Variants in COL28A1 observed in about 807,000 individuals in gnomAD.
COL28A1 encodes collagen alpha-1(XXVIII) chain.
Under a neutral mutation model 150.2 loss-of-function variants are expected in COL28A1, and 161 were observed. The ratio of observed to expected loss-of-function variants is 1.07; its 90% CI spans 0.94 to 1.22. COL28A1 has a LOEUF of 1.22. Among genes scored for constraint, COL28A1 ranks in the 50% most tolerant of loss-of-function variants. COL28A1 has a pLI of 0.00. For missense variants in COL28A1, 1,617 were observed against 1,388.3 expected, an observed-to-expected ratio of 1.16 and a Z score of -2.62; for synonymous variants, 552 against 469.7, an observed-to-expected ratio of 1.18 and a Z score of -2.26.
intron 30 of COL28A1, among the ~76,000 whole-genome samples, chr7:7,379,666 T>A (rs1328178718): frequency 3.3e-5 from 5 of 152,136 alleles, no homozygotes; most frequent in African/African-American, 1.2e-4. Context: ...AATGAATGAA[T>A]GAATAAATGA....
chr7:7,339,762 T>C, the COL28A1 span, among the ~76,000 whole-genome samples: 5 of 152,128 alleles, frequency 3.3e-5, no homozygotes, highest in African/African-American at 1.2e-4. Flanking sequence ...GACTACTTCA[T>C]AGGTGGTTAA....
the COL28A1 span, among the ~76,000 whole-genome samples, chr7:7,339,645 C>A: frequency 1.3e-5 from 2 of 152,052 alleles, no homozygotes; most frequent in African/African-American, 4.8e-5. Context: ...CATTCATTTT[C>A]TTGCATAAAA....
chr7:7,370,321 A>G (rs1781155493), intron 33 of COL28A1, among the ~76,000 whole-genome samples: 1 of 152,132 alleles, frequency 6.6e-6, no homozygotes, highest in South Asian at 2.1e-4. Flanking sequence ...AAAAGACATG[A>G]GAGGGTACAA....
chr7:7,380,781 C>A lies in COL28A1; in HGVS notation c.2286+1G>T, dbSNP rs1329435703. 1 of 1,613,588 alleles carries A rather than the reference C, an allele frequency of 6.2e-7. No homozygotes were observed. The highest frequency in any genetic ancestry group is 1.7e-5 in the Admixed American group (1 of 59,994). Reference sequence around the variant, plus strand: ...ACAGTGAGACATTAAAAACTACTTGCCTGTTTTCCTGGAGATCCAGGCTCT... The same window carrying A: ...ACAGTGAGACATTAAAAACTACTTGACTGTTTTCCTGGAGATCCAGGCTCT... On this transcript the variant is annotated splice_donor_variant, in intron 29 of 34. Transcript: ENST00000399429. LOFTEE classifies it high-confidence loss of function.
chr7:7,432,804 C>A, intron 23 of COL28A1, 104 bp from the exon 24 acceptor site: 1 of 839,220 alleles, frequency 1.2e-6, no homozygotes, highest in African/African-American at 1.7e-5. Context: ...CGATTTCTAA[C>A]CCGGGAGTTA....
chr7:7,458,629 T>C (rs1224287218), intron 15 of COL28A1, among the ~76,000 whole-genome samples: 1 of 152,216 alleles, frequency 6.6e-6, no homozygotes, highest in East Asian at 1.9e-4. Flanking sequence ...GGCTCAGAGC[T>C]GGACTATTTT....
chr7:7,365,720 G>T (rs1026568172), intron 33 of COL28A1, among the ~76,000 whole-genome samples: 1 of 152,174 alleles, frequency 6.6e-6, no homozygotes, highest in Non-Finnish European at 1.5e-5. Flanking sequence ...ATTAGTGTTT[G>T]TGTTAAGACT....
intron 3 of COL28A1, among the ~76,000 whole-genome samples, chr7:7,527,776 T>C (rs1376493958): frequency 1.3e-5 from 2 of 152,180 alleles, no homozygotes; most frequent in East Asian, 1.9e-4. Flanking sequence ...ACCAGAATGC[T>C]AGAATGGAAT....
Position 7,360,171 on chromosome 7 carries a change from A to C in COL28A1, c.3205+219T>G, listed in dbSNP as rs146419266. Among the ~76,000 whole-genome samples the C allele has an allele frequency of 5.6e-4, 85 of 152,312 alleles. 2 individuals are homozygous for C. In the East Asian group the frequency reaches 5.6e-3, roughly 10 times the overall value. ...AGAACTTTGAAATTCTTCATAGACC[A>C]AATTTACTCCACAGTTTTCAAATTC... is the stretch of plus-strand genomic sequence containing the variant. On this transcript the variant is annotated intron_variant, in intron 34 of 34. Transcript: ENST00000399429.
chr7:7,465,129 C>T (rs1038722802), intron 15 of COL28A1, among the ~76,000 whole-genome samples: 12 of 150,954 alleles, frequency 7.9e-5, no homozygotes, highest in Non-Finnish European at 1.0e-4. Context: ...GGAACAGCTC[C>T]GGTCTACAGC....
At chr7:7,388,768 T>A (rs982585234) in intron 27 of COL28A1, among the ~76,000 whole-genome samples, 2 of 152,180 alleles carry the variant, frequency 1.3e-5, no homozygotes, top group Non-Finnish European at 2.9e-5. Flanking sequence ...GATGATGAGC[T>A]TTTTTTCACG....
chr7:7,444,906 T>A (rs565264337), intron 18 of COL28A1, among the ~76,000 whole-genome samples: 51 of 151,872 alleles, frequency 3.4e-4, no homozygotes, highest in African/African-American at 1.2e-3. Flanking sequence ...TGGTAGGAGG[T>A]GATTGAGTTA....
Position 7,473,909 on chromosome 7 carries a change from T to C in COL28A1, c.1302+692A>G, listed in dbSNP as rs140734634. ...TGTGTTTGTTTACATATATAGTGTG[T>C]GTGTTTGTTTATATATATGATGGAA... is the stretch of plus-strand genomic sequence containing the variant. On this transcript the variant is annotated intron_variant, in intron 15 of 34. Transcript: ENST00000399429. Among the ~76,000 whole-genome samples the C allele has an allele frequency of 4.4e-3, 665 of 150,324 alleles. 4 individuals carry two copies. The highest frequency in any genetic ancestry group is 0.021 in the East Asian group (107 of 5,122).
At chr7:7,522,162 T>C (rs1583563970) in intron 4 of COL28A1, 2 of 617,492 alleles carry the variant, frequency 3.2e-6, no homozygotes, top group Middle Eastern at 4.3e-4. Context: ...TTGCTCTCTC[T>C]ATTAAATTAT....
chr7:7,443,041 A>G (rs1776967154), intron 20 of COL28A1, among the ~76,000 whole-genome samples: 1 of 152,066 alleles, frequency 6.6e-6, no homozygotes, highest in African/African-American at 2.4e-5. Context: ...TCTCAAAAAA[A>G]AAAAAAAAAT....
chr7:7,341,183 T>G, the COL28A1 span, among the ~76,000 whole-genome samples: 3 of 152,172 alleles, frequency 2.0e-5, no homozygotes, highest in African/African-American at 7.2e-5. Context: ...GTGTATGATG[T>G]AGAAGGAGGA....
intron 25 of COL28A1, among the ~76,000 whole-genome samples, chr7:7,423,211 GA>G (rs1334555475): frequency 6.6e-6 from 1 of 152,218 alleles, no homozygotes; most frequent in Non-Finnish European, 1.5e-5. Flanking sequence ...ATAATGTGGT[GA>G]GGGGAGGAGT....
At chr7:7,402,807 T>C (rs1382170519) in intron 27 of COL28A1, among the ~76,000 whole-genome samples, 1 of 152,208 alleles carries the variant, frequency 6.6e-6, no homozygotes, top group African/African-American at 2.4e-5. Flanking sequence ...TGATAGTCCC[T>C]TCTATCTTCA....
intron 11 of COL28A1, among the ~76,000 whole-genome samples, chr7:7,496,915 G>A (rs1391411004): frequency 2.6e-5 from 4 of 152,038 alleles, no homozygotes; most frequent in African/African-American, 9.7e-5. Flanking sequence ...CATTTTGTAG[G>A]TGCAGAATGG....
Sources: allele counts gnomAD v4.1 joint callset (sites outside exome capture counted in the v4.1 genomes callset), GRCh38; gene constraint gnomAD v4.1.1; transcripts MANE v1.5; gene names NCBI Gene and HGNC (gene_info 2026-07-23, HGNC 2026-07-21).